CDH18: variants seen among roughly 807,000 people sequenced by gnomAD.
CDH18 encodes the protein cadherin 18, also known as cadherin-18.
In CDH18, 31 loss-of-function variants were observed where a neutral mutation model predicts 67.9. That is an observed-to-expected ratio of 0.46 (90% CI 0.34 to 0.62). CDH18 has a LOEUF of 0.62. Among genes scored for constraint, CDH18 ranks in the 20% least tolerant of loss-of-function variants. The probability of loss-of-function intolerance (pLI) is 0.01; values close to 1 mark genes in which losing one functional copy is unlikely to be tolerated. For synonymous variants in CDH18, 362 were observed against 347.2 expected, an observed-to-expected ratio of 1.04 and a Z score of -0.48; for missense variants, 890 against 975.5, an observed-to-expected ratio of 0.91 and a Z score of 1.17.
chr5:19,701,229 CTT>C (rs374676565), intron 5 of CDH18, among the ~76,000 whole-genome samples: 13 of 152,046 alleles, frequency 8.6e-5, no homozygotes, highest in African/African-American at 3.1e-4. Flanking sequence ...GACAACTTCT[CTT>C]GGAGGAAAAA....
chr5:19,791,462 A>T (rs1776352006), intron 3 of CDH18, among the ~76,000 whole-genome samples: 1 of 152,118 alleles, frequency 6.6e-6, no homozygotes, highest in South Asian at 2.1e-4. Context: ...ATGCAAATTC[A>T]AAATAAGAAA....
upstream of CDH18, among the ~76,000 whole-genome samples, chr5:19,990,598 T>C (rs1287883601): frequency 6.6e-6 from 1 of 152,198 alleles, no homozygotes; most frequent in African/African-American, 2.4e-5. Flanking sequence ...AGCCACACTC[T>C]TGGAATAAGG....
chr5:19,668,836 C>T (rs1425074472), intron 5 of CDH18, among the ~76,000 whole-genome samples: 3 of 151,944 alleles, frequency 2.0e-5, no homozygotes, highest in Admixed American at 1.3e-4. Flanking sequence ...AACACTTCAT[C>T]CACAGAAACA....
chr5:19,693,286 A>C (rs1209324565), intron 5 of CDH18, among the ~76,000 whole-genome samples: 1 of 152,186 alleles, frequency 6.6e-6, no homozygotes, highest in Non-Finnish European at 1.5e-5. Flanking sequence ...TTTTAGAATT[A>C]ATAAAATATA....
chr5:19,933,569 C>A (rs1193204975), intron 2 of CDH18, among the ~76,000 whole-genome samples: 1 of 151,398 alleles, frequency 6.6e-6, no homozygotes, highest in Non-Finnish European at 1.5e-5. Flanking sequence ...CTCTTTTGCA[C>A]CAATTTTAAT....
chr5:20,362,786 C>T (rs77869429), intron 1 of CDH18, among the ~76,000 whole-genome samples: 10,706 of 152,036 alleles, frequency 0.07, 529 homozygotes, highest in South Asian at 0.16. Context: ...ACCTTTAGCC[C>T]GTAATATTTT....
At chr5:20,269,721 G>A (rs1745298184) in intron 1 of CDH18, among the ~76,000 whole-genome samples, 1 of 152,040 alleles carries the variant, frequency 6.6e-6, no homozygotes, top group African/African-American at 2.4e-5. Flanking sequence ...ACTTAGAAGG[G>A]TGAAGGGGTA....
intron 2 of CDH18, among the ~76,000 whole-genome samples, chr5:19,943,738 G>T (rs1007816087): frequency 2.0e-5 from 3 of 151,868 alleles, no homozygotes; most frequent in Non-Finnish European, 4.4e-5. Context: ...GAGTATTATA[G>T]TGTTCTATTT....
intron 1 of CDH18, among the ~76,000 whole-genome samples, chr5:20,495,580 T>C (rs1753856662): frequency 6.6e-6 from 1 of 152,108 alleles, no homozygotes; most frequent in Non-Finnish European, 1.5e-5. Flanking sequence ...CAAAGAACAA[T>C]CAGATCATGG....
intron 1 of CDH18, among the ~76,000 whole-genome samples, chr5:20,421,935 T>A (rs1747894770): frequency 6.6e-6 from 1 of 150,898 alleles, no homozygotes; most frequent in Non-Finnish European, 1.5e-5. Flanking sequence ...GCTTTATACC[T>A]ATACTCATCA....
intron 2 of CDH18, among the ~76,000 whole-genome samples, chr5:19,896,275 A>G (rs2150098187): frequency 6.6e-6 from 1 of 152,182 alleles, no homozygotes; most frequent in East Asian, 1.9e-4. Flanking sequence ...TTTGAACCCA[A>G]GAAGCGGAGG....
rs181773157 is a variant in CDH18 at position 20,053,602 on chromosome 5, C to G, written c.-517-61588G>C. Among the ~76,000 whole-genome samples the G allele has an allele frequency of 1.1e-3, 161 of 152,144 alleles. 2 individuals are homozygous for G. The highest frequency in any genetic ancestry group is 1.5e-4 in the Non-Finnish European group (10 of 67,996). On this transcript the variant is annotated intron_variant, in intron 2 of 14. Transcript: ENST00000507958. ...TCACAAACACTAAAATGAATCTTAT[C>G]AGTCCTTCCTTCAAAATATACACAG...
At chr5:19,585,351 A>T (rs1743986390) in intron 7 of CDH18, among the ~76,000 whole-genome samples, 1 of 152,250 alleles carries the variant, frequency 6.6e-6, no homozygotes, top group East Asian at 1.9e-4. Flanking sequence ...TGTCAATATG[A>T]AGTTGTTTTC....
chr5:20,124,948 C>T (rs189886326), intron 2 of CDH18, among the ~76,000 whole-genome samples: 17 of 151,980 alleles, frequency 1.1e-4, no homozygotes, highest in Admixed American at 1.3e-4. Flanking sequence ...GGATAAATGT[C>T]CAATGCTCAG....
At chr5:19,937,567 C>T (rs1259665190) in intron 2 of CDH18, among the ~76,000 whole-genome samples, 1 of 151,298 alleles carries the variant, frequency 6.6e-6, no homozygotes, top group Non-Finnish European at 1.5e-5. Context: ...AACATATAAC[C>T]ACACATGCAC....
intron 2 of CDH18, among the ~76,000 whole-genome samples, chr5:20,235,211 T>C (rs1395024748): frequency 6.6e-6 from 1 of 152,014 alleles, no homozygotes; most frequent in Non-Finnish European, 1.5e-5. Context: ...TTCTCAATAT[T>C]GGCCTTGGCA....
intron 1 of CDH18, among the ~76,000 whole-genome samples, chr5:20,367,256 C>T (rs971817286): frequency 1.3e-5 from 2 of 152,096 alleles, no homozygotes; most frequent in African/African-American, 4.8e-5. Context: ...TAGTAATGCC[C>T]CACGGGAAAA....
At chr5:20,305,975 A>G (rs1736413340) in intron 1 of CDH18, 1 of 156,958 alleles carries the variant, frequency 6.4e-6, no homozygotes. Context: ...TTAATATATT[A>G]CTGTAGCTGC....
chr5:19,755,427 G>A (rs757559357), intron 3 of CDH18, among the ~76,000 whole-genome samples: 3 of 44,672 alleles, frequency 6.7e-5, no homozygotes, highest in Non-Finnish European at 1.4e-4. Context: ...AACTAACAGG[G>A]TATGTATATA....
Sources: allele counts gnomAD v4.1 joint callset (sites outside exome capture counted in the v4.1 genomes callset), GRCh38; gene constraint gnomAD v4.1.1; transcripts MANE v1.5; gene names NCBI Gene and HGNC (gene_info 2026-07-23, HGNC 2026-07-21).